PTGDR: variants seen among roughly 807,000 people sequenced by gnomAD.
PTGDR encodes PGD2 receptor.
PTGDR carries 19 observed loss-of-function variants against 17.4 expected under a neutral mutation model. The ratio of observed to expected loss-of-function variants is 1.09; its 90% CI spans 0.76 to 1.60. The LOEUF (loss-of-function observed/expected upper bound fraction) is 1.60, where lower values mean the gene tolerates loss of function less well. Among genes scored for constraint, PTGDR ranks in the 40% most tolerant of loss-of-function variants. The pLI, the probability that PTGDR is intolerant of heterozygous loss-of-function variation, is 0.00. For synonymous variants in PTGDR, 267 were observed against 224.2 expected (o/e 1.19, Z -1.71); for missense variants, 526 against 481.9 (o/e 1.09, Z -0.86).
In PTGDR at chr14:52,276,155, G is replaced by A. The variant is rs201619825; in HGVS notation, c.*1191G>A. The stretch of plus-strand genomic sequence containing the variant: ...ACTGAAAGGGAAAAGTGGAGGAAAC[G>A]CAGCTGCAACTGAAGCGGAGACTCT... On this transcript the variant is annotated 3_prime_UTR_variant, in exon 2 of 2. Transcript: ENST00000306051. 3 of 152,200 alleles carry A rather than the reference G, an allele frequency of 2.0e-5. No individual in the cohort carries two copies. Among genetic ancestry groups the A allele is most frequent in the Non-Finnish European group, 4.4e-5 (3 of 68,054 alleles). The allele number at this position is 152,200 out of a possible 1,614,324, so 9.4% of individuals were successfully genotyped here. A position where few individuals can be genotyped will look rare whatever the true frequency, so the allele number is the denominator to read the frequency against.
chr14:52,275,274 A>ATT lies in PTGDR; in HGVS notation c.*321_*322dup. The ATT allele has an allele frequency of 4.4e-4, 86 of 196,198 alleles. No homozygotes were observed. Among genetic ancestry groups the ATT allele is most frequent in the South Asian group, 1.3e-3 (13 of 9,672 alleles). 12.2% of individuals were successfully genotyped at this position (196,198 alleles called of 1,614,324 possible). ...CCCTACATTTGTGCTTGGTGGCCCT[A>ATT]TTTTTTTTTTTTAGAGAGGCCTTGA... On this transcript the variant is annotated 3_prime_UTR_variant, in exon 2 of 2. Transcript: ENST00000306051.
chr14:52,274,211 A>G (rs892363359), intron 1 of PTGDR, among the ~76,000 whole-genome samples: 11 of 152,174 alleles, frequency 7.2e-5, no homozygotes, highest in African/African-American at 2.7e-4. Flanking sequence ...CAATCTCTTC[A>G]CATTGATTAA....
chr14:52,274,670 GTGAATCCA>G, intron 1 of PTGDR, 53 bp from the exon 2 acceptor site: 2 of 1,371,612 alleles, frequency 1.5e-6, no homozygotes, highest in South Asian at 2.4e-5. Flanking sequence ...GGTGAAGTAA[GTGAATCCA>G]TTGCTGCCAT....
At chr14:52,277,739 C>T (rs182814122), downstream of PTGDR, among the ~76,000 whole-genome samples, 2 of 152,324 alleles carry the variant, frequency 1.3e-5, no homozygotes, top group East Asian at 1.9e-4. Flanking sequence ...TTCTCCAGCT[C>T]CACGTCAGAC....
downstream of PTGDR, among the ~76,000 whole-genome samples, chr14:52,278,410 T>C (rs958171004): frequency 6.6e-6 from 1 of 152,034 alleles, no homozygotes; most frequent in African/African-American, 2.4e-5. Flanking sequence ...AGGTGGGAAT[T>C]GAACAATGAG....
rs199945070 is a variant in PTGDR, at chr14:52,267,773, C to G, written c.-42C>G. The G allele has an allele frequency of 6.7e-6, 10 of 1,500,506 alleles. No homozygotes were observed. The highest frequency in any genetic ancestry group is 8.9e-6 in the Non-Finnish European group (10 of 1,127,068). The allele number at this position is 1,500,506 out of a possible 1,614,324, so 92.9% of individuals were successfully genotyped here. ...TAGCACCCGGGCGCCGGGGCCCTCG[C>G]CCTTCCGCAGCCTTCACTCCAGCCC... On this transcript the variant is annotated 5_prime_UTR_variant, in exon 1 of 2. Coordinates refer to ENST00000306051, the MANE Select transcript of PTGDR (RefSeq NM_000953.3).
chr14:52,274,612 C>CA, intron 1 of PTGDR, 119 bp from the exon 2 acceptor site: 2 of 849,322 alleles, frequency 2.4e-6, no homozygotes, highest in East Asian at 5.3e-5. Flanking sequence ...GTAAATGTAC[C>CA]AAAAATGGGT....
In PTGDR at chr14:52,268,029, A is replaced by T. The variant is rs1366951286; in HGVS notation, c.215A>T (p.Asp72Val). Residue 72 changes from aspartate (D) to valine (V), a missense_variant, in exon 1 of 2, where the codon GAC becomes GTC. Asp to Val is a radical substitution (Grantham distance 152). Coordinates refer to ENST00000306051, the MANE Select transcript of PTGDR (RefSeq NM_000953.3). ...YMLVCGLTVTDLLGKCLLSPV... is the reference protein window; with the variant it reads ...YMLVCGLTVTVLLGKCLLSPV... ...CTGGTGTGTGGCCTGACGGTCACCG[A>T]CTTGCTGGGCAAGTGCCTCCTAAGC... is the stretch of plus-strand genomic sequence containing the variant. The T allele has an allele frequency of 6.2e-7, 1 of 1,611,202 alleles. No homozygotes were observed. The highest frequency in any genetic ancestry group is 1.1e-5 in the South Asian group (1 of 91,092).
downstream of PTGDR, among the ~76,000 whole-genome samples, chr14:52,279,234 C>G (rs1386319520): frequency 6.6e-6 from 1 of 152,140 alleles, no homozygotes; most frequent in Non-Finnish European, 1.5e-5. Context: ...GAAGAATGTT[C>G]TCATATCACC....
rs200946846 is a variant in PTGDR, at chr14:52,268,099, G to A, written c.285G>A (p.Val95=). The change falls in exon 1 of 2, where the codon GTG becomes GTA. Residue 95 remains valine (V), a synonymous_variant. Coordinates refer to ENST00000306051, the MANE Select transcript of PTGDR (RefSeq NM_000953.3). ...AAYAQNRSLR[V]LAPALDNSLC... is the part of the protein sequence containing the mutation. ...ACGCTCAGAACCGGAGTCTGCGGGT[G>A]CTTGCGCCCGCATTGGACAACTCGT... 8.1e-6 allele frequency: 13 copies of A among 1,613,830 alleles called. No individual in the cohort carries two copies. The East Asian group carries it at 2.9e-4, about 36-fold the overall frequency.
chr14:52,271,298 G>A (rs803007), intron 1 of PTGDR, among the ~76,000 whole-genome samples: 1 of 151,436 alleles, frequency 6.6e-6, no homozygotes, highest in Non-Finnish European at 1.5e-5. Context: ...AATCAAGAAC[G>A]ATTATCGTCC....
At chr14:52,279,137 G>T (rs548595366), downstream of PTGDR, among the ~76,000 whole-genome samples, 2 of 151,866 alleles carry the variant, frequency 1.3e-5, no homozygotes, top group Non-Finnish European at 2.9e-5. Flanking sequence ...TGAATAAAAC[G>T]CGTTCTCTCT....
At chr14:52,277,080 A>G (rs532251815), downstream of PTGDR, among the ~76,000 whole-genome samples, 1 of 152,350 alleles carries the variant, frequency 6.6e-6, no homozygotes, top group African/African-American at 2.4e-5. Flanking sequence ...AATAATTTAC[A>G]GAGACCTTGT....
downstream of PTGDR, among the ~76,000 whole-genome samples, chr14:52,280,066 A>G (rs961289951): frequency 6.6e-6 from 1 of 152,174 alleles, no homozygotes; most frequent in Non-Finnish European, 1.5e-5. Context: ...AAATGTTACA[A>G]AGTACTAAAG....
chr14:52,268,107 C>A lies in PTGDR; in HGVS notation c.293C>A (p.Pro98His). ...AQNRSLRVLAPALDNSLCQAF... is the reference protein window; with the variant it reads ...AQNRSLRVLAHALDNSLCQAF... ...AACCGGAGTCTGCGGGTGCTTGCGC[C>A]CGCATTGGACAACTCGTTGTGCCAA... The change falls in exon 1 of 2, where the codon CCC becomes CAC. Residue 98 changes from proline to histidine, a missense_variant. Physicochemically the swap from Pro to His is moderately conservative, Grantham distance 77. Transcript: ENST00000306051. 1.2e-6 allele frequency: 2 copies of A among 1,614,036 alleles called. No homozygotes were observed. The highest frequency in any genetic ancestry group is 1.7e-6 in the Non-Finnish European group (2 of 1,180,042).
rs767185336 is a variant in PTGDR at position 52,268,056 on chromosome 14, C to T, written c.242C>T (p.Pro81Leu). 1 of 1,612,784 alleles carries T rather than the reference C, an allele frequency of 6.2e-7. No homozygotes were observed. The highest frequency in any genetic ancestry group is 1.7e-5 in the Admixed American group (1 of 60,034). The change falls in exon 1 of 2, where the codon CCG (proline) becomes CTG (leucine). Residue 81 changes from proline (P) to leucine (L), a missense_variant. Pro to Leu is a moderately conservative substitution (Grantham distance 98). Transcript: ENST00000306051. ...TTGCTGGGCAAGTGCCTCCTAAGCC[C>T]GGTGGTGCTGGCTGCCTACGCTCAG... ...TDLLGKCLLS[P>L]VVLAAYAQNR...
intron 1 of PTGDR, among the ~76,000 whole-genome samples, chr14:52,273,061 G>T (rs569024750): frequency 1.8e-4 from 28 of 152,258 alleles, no homozygotes; most frequent in Non-Finnish European, 2.9e-4. Context: ...CACCCAGGCT[G>T]GAGTACAATG....
chr14:52,275,271 C>A lies in PTGDR; in HGVS notation c.*307C>A. The A allele has an allele frequency of 4.3e-6, 1 of 230,446 alleles. No homozygotes were observed. Among genetic ancestry groups the A allele is most frequent in the Admixed American group, 5.0e-5 (1 of 19,956 alleles). 14.3% of individuals were successfully genotyped at this position (230,446 alleles called of 1,614,324 possible). The stretch of plus-strand genomic sequence containing the variant: ...TGTCCCTACATTTGTGCTTGGTGGC[C>A]CTATTTTTTTTTTTTAGAGAGGCCT... On this transcript the variant is annotated 3_prime_UTR_variant, in exon 2 of 2. Coordinates refer to ENST00000306051, the MANE Select transcript of PTGDR (RefSeq NM_000953.3).
downstream of PTGDR, among the ~76,000 whole-genome samples, chr14:52,278,032 G>A (rs2033449735): frequency 6.6e-6 from 1 of 152,118 alleles, no homozygotes; most frequent in South Asian, 2.1e-4. Flanking sequence ...TTGTAAACTA[G>A]TTCAACCATT....
Sources: gnomAD v4.1 joint callset for allele counts (sites outside exome capture counted in the v4.1 genomes callset) on GRCh38, gnomAD v4.1.1 for gene constraint, MANE v1.5 for transcripts, NCBI Gene and HGNC (gene_info 2026-07-23, HGNC 2026-07-21) for gene names.